Variants in MEIOB observed in about 807,000 individuals in gnomAD.
MEIOB encodes the protein meiosis specific with OB-fold.
Under a neutral mutation model 53.1 loss-of-function variants are expected in MEIOB, and 50 were observed. The ratio of observed to expected loss-of-function variants is 0.94; its 90% CI spans 0.75 to 1.19. The LOEUF (loss-of-function observed/expected upper bound fraction) is 1.19, where lower values mean the gene tolerates loss of function less well. Among genes scored for constraint, MEIOB ranks in the 50% most tolerant of loss-of-function variants. The pLI is 0.00. For synonymous variants in MEIOB, 192 were observed against 182.5 expected, an observed-to-expected ratio of 1.05 and a Z score of -0.42; for missense variants, 551 against 550.8, an observed-to-expected ratio of 1.00 and a Z score of 0.00.
intron 5 of MEIOB, 55 bp downstream of exon 5, chr16:1,860,345 TACA>T (rs1404821894): frequency 5.4e-6 from 5 of 925,468 alleles, no homozygotes; most frequent in East Asian, 2.7e-5. Context: ...GCTAATCTGA[TACA>T]ACATTATTAG....
intron 1 of MEIOB, among the ~76,000 whole-genome samples, 188 bp downstream of exon 1, chr16:1,871,803 CAA>C (rs139569490): frequency 1.0e-5 from 1 of 99,476 alleles, no homozygotes. Context: ...ACTAAAAATA[CAA>C]AAAAAATTAG....
chr16:1,851,548 C>G (rs1383621036), intron 9 of MEIOB, among the ~76,000 whole-genome samples: 1 of 152,164 alleles, frequency 6.6e-6, no homozygotes, highest in African/African-American at 2.4e-5. Flanking sequence ...ACCCAGCATA[C>G]AGCACATGCT....
chr16:1,865,702 T>A (rs754427434), intron 3 of MEIOB, 76 bp downstream of exon 3: 356 of 1,051,482 alleles, frequency 3.4e-4, no homozygotes, highest in Non-Finnish European at 4.4e-4. Flanking sequence ...GAAAAATTAA[T>A]CACTTCAATA....
At chr16:1,859,810 C>T (rs1165375460) in intron 5 of MEIOB, among the ~76,000 whole-genome samples, 1 of 152,126 alleles carries the variant, frequency 6.6e-6, no homozygotes, top group Admixed American at 6.5e-5. Flanking sequence ...GCCAGACCCG[C>T]CTTTGAGCTG....
At chr16:1,854,555 T>C (rs11643973) in intron 6 of MEIOB, among the ~76,000 whole-genome samples, 125,442 of 151,988 alleles carry the variant, frequency 0.83, 51,891 homozygotes, top group Middle Eastern at 0.9. Flanking sequence ...TGTATCCCCA[T>C]GGCTCAGCGT....
At position 1,841,915 on chromosome 16, in the gene MEIOB, ATTC is replaced by A. The variant is rs1371674390; in HGVS notation, c.936_938del (p.Lys312del). The A allele has an allele frequency of 6.2e-7, 1 of 1,608,604 alleles. No homozygotes were observed. The highest frequency in any genetic ancestry group is 8.5e-7 in the Non-Finnish European group (1 of 1,177,282). On this transcript the variant is annotated inframe_deletion, in exon 11 of 14. Transcript: ENST00000325962. Reference sequence around the variant, plus strand: ...CATAGGAAGGATCAGCTTTTCCTTCATTCTTCAAAGCTTTTCCCTTTAATTGTT... The same window carrying A: ...CATAGGAAGGATCAGCTTTTCCTTCATTCAAAGCTTTTCCCTTTAATTGTT...
intron 7 of MEIOB, among the ~76,000 whole-genome samples, 159 bp downstream of exon 7, chr16:1,853,941 C>T (rs1406402864): frequency 1.3e-5 from 2 of 152,224 alleles, no homozygotes; most frequent in African/African-American, 2.4e-5. Flanking sequence ...GTATCCATAA[C>T]AACTCAACAT....
At chr16:1,860,136 T>A (rs1899406889) in intron 5 of MEIOB, among the ~76,000 whole-genome samples, 1 of 152,256 alleles carries the variant, frequency 6.6e-6, no homozygotes, top group Non-Finnish European at 1.5e-5. Context: ...TTATCTTTTC[T>A]CCTCATTCAG....
At chr16:1,863,464 G>A (rs1249608447) in intron 3 of MEIOB, among the ~76,000 whole-genome samples, 1 of 151,682 alleles carries the variant, frequency 6.6e-6, no homozygotes, top group Non-Finnish European at 1.5e-5. Flanking sequence ...TCAGCTCACA[G>A]CAACCTCTGC....
intron 3 of MEIOB, among the ~76,000 whole-genome samples, chr16:1,864,954 G>A (rs1439779908): frequency 6.6e-6 from 1 of 152,112 alleles, no homozygotes; most frequent in Non-Finnish European, 1.5e-5. Context: ...ATGAAATAAA[G>A]TGCAGGCACA....
At chr16:1,856,427 C>G (rs1159093398) in intron 6 of MEIOB, among the ~76,000 whole-genome samples, 1 of 152,052 alleles carries the variant, frequency 6.6e-6, no homozygotes, top group Non-Finnish European at 1.5e-5. Context: ...TCACGCCATT[C>G]TCCTGCCTCA....
intron 13 of MEIOB, among the ~76,000 whole-genome samples, chr16:1,836,098 A>G (rs533669442): frequency 3.9e-5 from 6 of 151,908 alleles, no homozygotes; most frequent in South Asian, 2.1e-4. Flanking sequence ...TCCCCTTTGA[A>G]TCCTTCTTCT....
chr16:1,867,283 G>A (rs429557), intron 2 of MEIOB, among the ~76,000 whole-genome samples: 124,774 of 151,252 alleles, frequency 0.82, 51,573 homozygotes, highest in Middle Eastern at 0.9. Flanking sequence ...CAGTCGAGAT[G>A]TGTTCAAAAT....
chr16:1,841,566 T>G (rs113730216), intron 11 of MEIOB, among the ~76,000 whole-genome samples: 3 of 152,202 alleles, frequency 2.0e-5, no homozygotes, highest in Admixed American at 1.3e-4. Flanking sequence ...TTAGACAAGT[T>G]TGTCAAAAGT....
chr16:1,867,505 T>C (rs368188), intron 2 of MEIOB, among the ~76,000 whole-genome samples: 114,589 of 137,434 alleles, frequency 0.83, 48,234 homozygotes, highest in Middle Eastern at 0.9. Flanking sequence ...AGAAGAGTTT[T>C]GCTCTTGTTG....
intron 1 of MEIOB, among the ~76,000 whole-genome samples, chr16:1,871,388 T>C (rs9927878): frequency 0.77 from 53,658 of 69,798 alleles, 22,058 homozygotes; most frequent in Middle Eastern, 0.86. Context: ...CCTGGCTAAT[T>C]TTTTGTATTT....
chr16:1,837,524 T>A (rs1406815028), intron 13 of MEIOB, among the ~76,000 whole-genome samples: 3 of 152,210 alleles, frequency 2.0e-5, no homozygotes, highest in Non-Finnish European at 4.4e-5. Flanking sequence ...TTTAAAGCCC[T>A]TTCCCCTGTT....
intron 1 of MEIOB, among the ~76,000 whole-genome samples, chr16:1,870,443 G>A (rs558038068): frequency 5.9e-5 from 9 of 152,280 alleles, no homozygotes; most frequent in Admixed American, 3.3e-4. Context: ...GTTCAAGGAC[G>A]TGTCTCATGA....
At chr16:1,846,976 G>A (rs1199612609) in intron 9 of MEIOB, among the ~76,000 whole-genome samples, 1 of 151,968 alleles carries the variant, frequency 6.6e-6, no homozygotes. Flanking sequence ...CCAACATGGT[G>A]AAACCCCGTC....
Sources: gnomAD v4.1 joint callset for allele counts (sites outside exome capture counted in the v4.1 genomes callset) on GRCh38, gnomAD v4.1.1 for gene constraint, MANE v1.5 for transcripts, NCBI Gene and HGNC (gene_info 2026-07-23, HGNC 2026-07-21) for gene names.